The following PTK2B variants were observed in gnomAD, a reference collection of about 807,000 sequenced individuals.
PTK2B encodes protein-tyrosine kinase 2-beta.
PTK2B carries 71 observed loss-of-function variants against 142.9 expected under a neutral mutation model. The observed-to-expected ratio is 0.50, with a 90% CI of 0.41 to 0.61. The LOEUF (loss-of-function observed/expected upper bound fraction) is 0.61, where lower values mean the gene tolerates loss of function less well. Among genes scored for constraint, PTK2B ranks in the 20% least tolerant of loss-of-function variants. The pLI, the probability that PTK2B is intolerant of heterozygous loss-of-function variation, is 0.00. For synonymous variants in PTK2B, 519 were observed against 503.4 expected, an observed-to-expected ratio of 1.03 and a Z score of -0.42; for missense variants, 1,105 against 1,320.4, an observed-to-expected ratio of 0.84 and a Z score of 2.53.
At position 27,431,273 on chromosome 8, in the gene PTK2B, C is replaced by A. The variant is rs768651164; in HGVS notation, c.811-125C>A. Reference sequence around the variant, plus strand: ...GGGAAGATCCATATGGCCAGGGTTTCGGTGAGAAGGAGCTGGAGACCCAGG... The same window carrying A: ...GGGAAGATCCATATGGCCAGGGTTTAGGTGAGAAGGAGCTGGAGACCCAGG... On this transcript the variant is annotated intron_variant, in intron 8 of 30. Transcript: ENST00000346049. The A allele has an allele frequency of 1.3e-5, 20 of 1,554,354 alleles. No homozygotes were observed. The South Asian group carries it at 2.4e-4, about 19-fold the overall frequency.
intron 1 of PTK2B, among the ~76,000 whole-genome samples, chr8:27,330,328 G>T (rs1461766198): frequency 6.6e-6 from 1 of 152,132 alleles, no homozygotes; most frequent in East Asian, 1.9e-4. Context: ...TTTTCCAGAG[G>T]TTATAGGTCC....
chr8:27,400,899 G>C (rs540169567), intron 2 of PTK2B, among the ~76,000 whole-genome samples: 129 of 152,206 alleles, frequency 8.5e-4, no homozygotes, highest in Non-Finnish European at 1.5e-3. Context: ...CACAAGGAAT[G>C]AGTAGAACAG....
At chr8:27,384,190 T>G (rs890590620) in intron 1 of PTK2B, among the ~76,000 whole-genome samples, 18 of 151,950 alleles carry the variant, frequency 1.2e-4, no homozygotes, top group Admixed American at 1.1e-3. Flanking sequence ...AGAAACATGG[T>G]CTCCCTATTT....
At chr8:27,396,663 G>A (rs1032326187) in intron 1 of PTK2B, among the ~76,000 whole-genome samples, 1 of 152,234 alleles carries the variant, frequency 6.6e-6, no homozygotes, top group East Asian at 1.9e-4. Flanking sequence ...CTTCCTTTGG[G>A]CATTCCCTGC....
intron 1 of PTK2B, among the ~76,000 whole-genome samples, chr8:27,334,144 G>A (rs766915839): frequency 2.6e-5 from 4 of 151,390 alleles, no homozygotes; most frequent in Non-Finnish European, 4.4e-5. Context: ...CTTCCTTCCC[G>A]TTTCTATGGC....
At chr8:27,337,811 A>G (rs1336594282) in intron 1 of PTK2B, among the ~76,000 whole-genome samples, 1 of 152,232 alleles carries the variant, frequency 6.6e-6, no homozygotes, top group Non-Finnish European at 1.5e-5. Flanking sequence ...CATTGTAAGT[A>G]CTGCTGCTAT....
intron 1 of PTK2B, among the ~76,000 whole-genome samples, chr8:27,374,378 A>C (rs557334525): frequency 5.8e-4 from 89 of 152,376 alleles, no homozygotes; most frequent in Admixed American, 1.6e-3. Flanking sequence ...AGAAGTTCGC[A>C]TTCACAGACC....
chr8:27,397,591 G>C lies in PTK2B; in HGVS notation c.7G>C (p.Gly3Arg), dbSNP rs1229614471. ...TTAGCTGCTGCCTGAGAGGATGTCT[G>C]GGGTGTCCGAGCCCCTGAGTCGAGT... MS[G>R]VSEPLSRVKL... is the part of the protein sequence containing the mutation. The change falls in exon 2 of 31, where the codon GGG becomes CGG. Residue 3 changes from glycine (G) to arginine (R), a missense_variant. Transcript: ENST00000346049. 1 of 1,613,580 alleles carries C rather than the reference G, an allele frequency of 6.2e-7. No homozygotes were observed. The highest frequency in any genetic ancestry group is 1.1e-5 in the South Asian group (1 of 91,046).
At chr8:27,451,218 C>T in intron 26 of PTK2B, 140 bp downstream of exon 26, 1 of 1,102,336 alleles carries the variant, frequency 9.1e-7, no homozygotes, top group Non-Finnish European at 1.3e-6. Context: ...GGGAGGGTGT[C>T]TTTTCCTTTT....
intron 3 of PTK2B, 91 bp downstream of exon 3, chr8:27,420,164 G>T (rs946173375): frequency 8.9e-6 from 13 of 1,460,724 alleles, no homozygotes; most frequent in African/African-American, 1.4e-5. Context: ...GCACTCCCCT[G>T]CCTCAGAAAC....
intron 1 of PTK2B, among the ~76,000 whole-genome samples, chr8:27,393,392 C>T (rs919490): frequency 9.8e-5 from 15 of 152,296 alleles, no homozygotes; most frequent in Admixed American, 3.3e-4. Context: ...GAAATGACTG[C>T]TGAAATATTT....
At chr8:27,320,908 G>A (rs1305184212), upstream of PTK2B, among the ~76,000 whole-genome samples, 1 of 140,460 alleles carries the variant, frequency 7.1e-6, no homozygotes, top group Non-Finnish European at 1.5e-5. Context: ...CTGATGACCA[G>A]CCCTCATCCT....
chr8:27,385,535 C>T (rs771792599), intron 1 of PTK2B, among the ~76,000 whole-genome samples: 2 of 152,176 alleles, frequency 1.3e-5, no homozygotes, highest in African/African-American at 4.8e-5. Context: ...GTTGCTTCCT[C>T]ATCTAGCTTG....
intron 30 of PTK2B, among the ~76,000 whole-genome samples, chr8:27,456,571 A>G (rs1169142939): frequency 4.6e-5 from 7 of 152,218 alleles, no homozygotes; most frequent in South Asian, 2.1e-4. Context: ...AATTAGGCCA[A>G]TTAAGAACCC....
At chr8:27,427,106 C>T (rs759336151) in intron 5 of PTK2B, among the ~76,000 whole-genome samples, 1 of 152,114 alleles carries the variant, frequency 6.6e-6, no homozygotes, top group Non-Finnish European at 1.5e-5. Context: ...TTGGCACAGT[C>T]TTCTCATTTC....
intron 5 of PTK2B, among the ~76,000 whole-genome samples, chr8:27,429,462 C>T (rs568431567): frequency 6.6e-6 from 1 of 152,306 alleles, no homozygotes; most frequent in Admixed American, 6.5e-5. Flanking sequence ...AGAACATTAG[C>T]TATTTGGTCT....
At chr8:27,443,844 A>G (rs543156465) in intron 22 of PTK2B, among the ~76,000 whole-genome samples, 34 of 152,162 alleles carry the variant, frequency 2.2e-4, no homozygotes, top group African/African-American at 7.9e-4. Context: ...CATCTCCTCC[A>G]TGCAGCTTCT....
chr8:27,345,277 C>T (rs1030623264), intron 1 of PTK2B, among the ~76,000 whole-genome samples: 1 of 152,256 alleles, frequency 6.6e-6, no homozygotes, highest in Admixed American at 6.5e-5. Flanking sequence ...AATTATACCA[C>T]CCCAGCTTCC....
intron 2 of PTK2B, among the ~76,000 whole-genome samples, chr8:27,407,228 C>A (rs1386673202): frequency 1.3e-5 from 2 of 152,152 alleles, no homozygotes; most frequent in East Asian, 3.9e-4. Flanking sequence ...AACTCTACTT[C>A]CCGTCTTCAC....
Sources: gnomAD v4.1 joint callset for allele counts (sites outside exome capture counted in the v4.1 genomes callset) on GRCh38, gnomAD v4.1.1 for gene constraint, MANE v1.5 for transcripts, NCBI Gene and HGNC (gene_info 2026-07-23, HGNC 2026-07-21) for gene names.